The following ATXN7L1 variants were observed in gnomAD, a reference collection of about 807,000 sequenced individuals.
ATXN7L1 encodes the protein ataxin-7-like protein 1.
A neutral mutation model predicts 70.8 loss-of-function variants in ATXN7L1; 15 were observed. The observed-to-expected ratio is 0.21, with a 90% CI of 0.14 to 0.33. The LOEUF is 0.33. Ranked by LOEUF, ATXN7L1 falls within the 10% of genes least tolerant of loss-of-function variation. The pLI is 1.00. For synonymous variants in ATXN7L1, 440 were observed against 445.1 expected, an observed-to-expected ratio of 0.99 and a Z score of 0.14; for missense variants, 975 against 1,097.1, an observed-to-expected ratio of 0.89 and a Z score of 1.57.
intron 4 of ATXN7L1, among the ~76,000 whole-genome samples, chr7:105,657,694 C>T (rs1472704028): frequency 3.6e-5 from 4 of 110,588 alleles, no homozygotes; most frequent in African/African-American, 1.2e-4. Context: ...CAGAGTGAGA[C>T]CCTGTCTCAA....
intron 2 of ATXN7L1, among the ~76,000 whole-genome samples, chr7:105,869,270 G>A (rs1204964632): frequency 7.2e-5 from 11 of 152,198 alleles, no homozygotes; most frequent in African/African-American, 2.4e-4. Context: ...AGCAAAAGGG[G>A]AGGAAGGTAG....
In ATXN7L1 at chr7:105,857,692, T is replaced by C. The variant is rs369760753; in HGVS notation, c.250+18120A>G. Among the ~76,000 whole-genome samples the C allele has an allele frequency of 3.9e-5, 6 of 152,350 alleles. No individual in the cohort carries two copies. In the South Asian group the frequency reaches 8.3e-4, roughly 21 times the overall value. On this transcript the variant is annotated intron_variant, in intron 2 of 11. Coordinates refer to ENST00000419735, the MANE Select transcript of ATXN7L1 (RefSeq NM_020725.2). ...AGGTTAAAGTAGAGGGTCACTTGACTGTGTGGGATAATATTTCTCAATGTT... is the reference window on the plus strand; with the variant it reads ...AGGTTAAAGTAGAGGGTCACTTGACCGTGTGGGATAATATTTCTCAATGTT...
intron 4 of ATXN7L1, among the ~76,000 whole-genome samples, chr7:105,648,188 G>T (rs906571257): frequency 6.6e-6 from 1 of 152,242 alleles, no homozygotes; most frequent in East Asian, 1.9e-4. Flanking sequence ...TCTTTTGGGT[G>T]TGTTCTAAGG....
At chr7:105,707,133 A>G (rs1793282903) in intron 3 of ATXN7L1, among the ~76,000 whole-genome samples, 1 of 152,212 alleles carries the variant, frequency 6.6e-6, no homozygotes, top group South Asian at 2.1e-4. Context: ...AAGAGCCATC[A>G]GGAATACTGG....
At chr7:105,736,369 G>A (rs966432903) in intron 3 of ATXN7L1, among the ~76,000 whole-genome samples, 3 of 152,190 alleles carry the variant, frequency 2.0e-5, no homozygotes, top group Non-Finnish European at 4.4e-5. Flanking sequence ...AAATCCCATT[G>A]GATTCTAGTG....
chr7:105,690,610 G>A (rs1414501738), intron 3 of ATXN7L1, among the ~76,000 whole-genome samples: 1 of 152,090 alleles, frequency 6.6e-6, no homozygotes. Context: ...TATTTAACCC[G>A]AGGCACAATG....
intron 3 of ATXN7L1, among the ~76,000 whole-genome samples, chr7:105,704,777 AT>A (rs1213908933): frequency 5.9e-5 from 9 of 151,466 alleles, no homozygotes; most frequent in African/African-American, 2.2e-4. Flanking sequence ...CACCCGGCTA[AT>A]TTTTGTATTT....
intron 2 of ATXN7L1, among the ~76,000 whole-genome samples, chr7:105,820,610 A>T (rs185451671): frequency 6.6e-6 from 1 of 152,132 alleles, no homozygotes; most frequent in Non-Finnish European, 1.5e-5. Flanking sequence ...GGGTTTTTTT[A>T]AATTGCAAAT....
intron 3 of ATXN7L1, among the ~76,000 whole-genome samples, chr7:105,756,971 T>G (rs1041042473): frequency 1.3e-5 from 2 of 152,100 alleles, no homozygotes; most frequent in Non-Finnish European, 2.9e-5. Context: ...CTGTTTCGAT[T>G]TGCAGAGGGG....
At chr7:105,662,096 CT>C (rs1465477938) in intron 4 of ATXN7L1, among the ~76,000 whole-genome samples, 3 of 114,968 alleles carry the variant, frequency 2.6e-5, no homozygotes. Flanking sequence ...CTTTTCTTTT[CT>C]TTTCTTTTCT....
At chr7:105,639,634 C>T in intron 5 of ATXN7L1, 65 bp from the exon 6 acceptor site, 1 of 1,185,354 alleles carries the variant, frequency 8.4e-7, no homozygotes, top group Admixed American at 2.4e-5. Flanking sequence ...GGCATTAAGA[C>T]TACATTTTTT....
intron 2 of ATXN7L1, among the ~76,000 whole-genome samples, chr7:105,790,489 G>A (rs1804981030): frequency 6.6e-6 from 1 of 152,084 alleles, no homozygotes; most frequent in African/African-American, 2.4e-5. Flanking sequence ...GCTAAGGTAG[G>A]AGAGTTGCTT....
chr7:105,660,190 C>T (rs947398505), intron 4 of ATXN7L1, among the ~76,000 whole-genome samples: 7 of 152,106 alleles, frequency 4.6e-5, no homozygotes, highest in Non-Finnish European at 7.4e-5. Flanking sequence ...ACATCCTCAC[C>T]GTTCTTGCTG....
chr7:105,609,752 G>A (rs1792987968), intron 11 of ATXN7L1, among the ~76,000 whole-genome samples: 1 of 151,780 alleles, frequency 6.6e-6, no homozygotes, highest in South Asian at 2.1e-4. Context: ...GAGGCATCAT[G>A]CCTGGCTGGC....
intron 3 of ATXN7L1, among the ~76,000 whole-genome samples, chr7:105,705,515 G>A (rs1273786852): frequency 1.3e-5 from 2 of 152,016 alleles, no homozygotes; most frequent in Admixed American, 6.6e-5. Context: ...GGCCTTGAGG[G>A]ATGTCTAAGG....
intron 9 of ATXN7L1, among the ~76,000 whole-genome samples, chr7:105,615,650 G>T (rs1294585922): frequency 6.6e-6 from 1 of 152,216 alleles, no homozygotes; most frequent in Non-Finnish European, 1.5e-5. Context: ...TTCTTGTCCC[G>T]TGTTAGGAAA....
intron 4 of ATXN7L1, among the ~76,000 whole-genome samples, chr7:105,645,334 C>T (rs925768707): frequency 6.6e-6 from 1 of 152,122 alleles, no homozygotes; most frequent in Non-Finnish European, 1.5e-5. Flanking sequence ...ACTCTTACAA[C>T]CTAAATTATA....
At chr7:105,615,312 C>T (rs982532698) in intron 9 of ATXN7L1, among the ~76,000 whole-genome samples, 1 of 152,190 alleles carries the variant, frequency 6.6e-6, no homozygotes, top group African/African-American at 2.4e-5. Context: ...CCACCCACTC[C>T]AGCTTCTGCC....
intron 3 of ATXN7L1, among the ~76,000 whole-genome samples, chr7:105,739,199 A>G (rs1380105463): frequency 6.6e-6 from 1 of 152,236 alleles, no homozygotes; most frequent in Admixed American, 6.5e-5. Flanking sequence ...GACAAGCAAC[A>G]GCATCAATGG....
Sources: gnomAD v4.1 joint callset for allele counts (sites outside exome capture counted in the v4.1 genomes callset) on GRCh38, gnomAD v4.1.1 for gene constraint, MANE v1.5 for transcripts, NCBI Gene and HGNC (gene_info 2026-07-23, HGNC 2026-07-21) for gene names.